Variants in TFAP2A observed in about 807,000 individuals in gnomAD.
The protein encoded by TFAP2A is transcription factor AP-2-alpha.
In TFAP2A, 7 loss-of-function variants were observed where a neutral mutation model predicts 41.5. The observed-to-expected ratio is 0.17, with a 90% CI of 0.10 to 0.32. The LOEUF is 0.32. Ranked by LOEUF, TFAP2A falls within the 10% of genes least tolerant of loss-of-function variation. TFAP2A has a pLI of 1.00. For synonymous variants in TFAP2A, 247 were observed against 242.8 expected (o/e 1.02, Z -0.16); for missense variants, 416 against 563.3 (o/e 0.74, Z 2.65).
Position 10,404,615 on chromosome 6 carries a change from C to G in TFAP2A, c.663G>C (p.Ser221=). 6.2e-7 allele frequency: 1 copy of G among 1,614,156 alleles called. No homozygotes were observed. The highest frequency in any genetic ancestry group is 1.3e-5 in the African/African-American group (1 of 75,046). The change falls in exon 4 of 7, where the codon TCG becomes TCC. Residue 221 remains serine, a synonymous_variant. Transcript: ENST00000379613. The stretch of plus-strand genomic sequence containing the variant: ...TGTACTTCGAGGTGGAGCTGAGGAG[C>G]GAGAGGCGACCCGGAACTGAACAGA... The part of the protein sequence containing the change: ...EVFCSVPGRL[S]LLSSTSKYKV...
intron 3 of TFAP2A, chr6:10,404,951 C>T (rs1447367786): frequency 3.2e-5 from 19 of 599,018 alleles, no homozygotes; most frequent in South Asian, 2.8e-4. Context: ...GGAGGCGGCC[C>T]TGCCCTCCCC....
rs1263537527 is a variant in TFAP2A at position 10,414,871 on chromosome 6, G to A, written c.51+70C>T. 3.2e-6 allele frequency: 5 copies of A among 1,583,958 alleles called. No homozygotes were observed. The African/African-American group carries it at 5.4e-5, about 17-fold the overall frequency. On this transcript the variant is annotated intron_variant, in intron 1 of 6. Coordinates refer to ENST00000379613, the MANE Select transcript of TFAP2A (RefSeq NM_001372066.1). The stretch of plus-strand genomic sequence containing the variant: ...CGTTTCGCAGCTGGTTGCAAGGAGA[G>A]GAGGAGGAGAGGGAGGGTCAAGCTC...
chr6:10,399,924 C>CTCTCTCTCTG (rs558771454), intron 6 of TFAP2A, among the ~76,000 whole-genome samples: 2 of 148,922 alleles, frequency 1.3e-5, no homozygotes, highest in African/African-American at 5.0e-5. Context: ...CTCTCTCTGT[C>CTCTCTCTCTG]TGTGTGTGTG....
chr6:10,413,148 C>G (rs974761760), intron 1 of TFAP2A, among the ~76,000 whole-genome samples: 1 of 152,226 alleles, frequency 6.6e-6, no homozygotes, highest in African/African-American at 2.4e-5. Context: ...TCCTGCGTGT[C>G]CCTACAGAGC....
rs773449140 is a variant in TFAP2A at position 10,402,625 on chromosome 6, T to C, written c.771-15A>G. 3.8e-6 allele frequency: 6 copies of C among 1,572,388 alleles called. No homozygotes were observed. The African/African-American group carries it at 4.1e-5, about 11-fold the overall frequency. On this transcript the variant is annotated splice_polypyrimidine_tract_variant and intron_variant, in intron 4 of 6. Transcript: ENST00000379613. ...TAGACTTCGCCCTGTTTCACAAATATATGCGAGAAAGGGATTTAGAAAACA... is the reference window on the plus strand; with the variant it reads ...TAGACTTCGCCCTGTTTCACAAATACATGCGAGAAAGGGATTTAGAAAACA...
chr6:10,410,246 C>T lies in TFAP2A; in HGVS notation c.141G>A (p.Leu47=), dbSNP rs149126243. The T allele has an allele frequency of 6.0e-5, 96 of 1,611,852 alleles. No individual in the cohort carries two copies. The African/African-American group carries it at 1.2e-3, about 19-fold the overall frequency. ...GGAAGTCGGCATTGGGGGTGTGGGA[C>T]AGCGGCGGGGCGCTCGTGTAGGGAG... is the stretch of plus-strand genomic sequence containing the variant. ...GQSPYTSAPP[L]SHTPNADFQP... Residue 47 remains leucine (L), a synonymous_variant, in exon 2 of 7, where the codon CTG becomes CTA. Coordinates refer to ENST00000379613, the MANE Select transcript of TFAP2A (RefSeq NM_001372066.1).
chr6:10,411,454 G>A, intron 1 of TFAP2A: 7 of 1,577,662 alleles, frequency 4.4e-6, no homozygotes, highest in Non-Finnish European at 5.2e-6. Flanking sequence ...CAAATGGAGA[G>A]GGTGTCCTGA....
At chr6:10,419,516 C>T, upstream of TFAP2A, 1 of 1,603,130 alleles carries the variant, frequency 6.2e-7, no homozygotes, top group Non-Finnish European at 8.5e-7. Flanking sequence ...GTCGGGCCAG[C>T]TCCCTGGAAT....
At chr6:10,411,782 G>A in intron 1 of TFAP2A, 1 of 1,455,600 alleles carries the variant, frequency 6.9e-7, no homozygotes, top group Non-Finnish European at 9.0e-7. Context: ...ATCCGAACTT[G>A]AACCACCGAT....
chr6:10,415,157 GGAGGAGGAA>G, upstream of TFAP2A: 2 of 1,526,870 alleles, frequency 1.3e-6, no homozygotes, highest in East Asian at 2.4e-5. Flanking sequence ...GCAAGGAGGA[GGAGGAGGAA>G]GAGGAGGGCG....
chr6:10,404,643 A>C lies in TFAP2A; in HGVS notation c.635T>G (p.Val212Gly). ...GAGGCGACCCGGAACTGAACAGAAG[A>C]CTTCGTTGGGGTTCACCACGCCGCC... is the stretch of plus-strand genomic sequence containing the variant. ...LFGGVVNPNE[V>G]FCSVPGRLSL... Residue 212 changes from valine (V) to glycine (G), a missense_variant, in exon 4 of 7, where the codon GTC becomes GGC. This residue lies in a region of TFAP2A where 241 missense variants were observed against 274.1 expected (regional missense o/e 0.88). Coordinates refer to ENST00000379613, the MANE Select transcript of TFAP2A (RefSeq NM_001372066.1). 6.2e-7 allele frequency: 1 copy of C among 1,614,072 alleles called. No homozygotes were observed. The highest frequency in any genetic ancestry group is 8.5e-7 in the Non-Finnish European group (1 of 1,180,002).
At chr6:10,404,145 G>A (rs961315329) in intron 4 of TFAP2A, among the ~76,000 whole-genome samples, 2 of 152,242 alleles carry the variant, frequency 1.3e-5, no homozygotes, top group African/African-American at 2.4e-5. Context: ...AGAGGGAAAA[G>A]GTGGCTGTAC....
chr6:10,413,607 C>G (rs2613866), intron 1 of TFAP2A, among the ~76,000 whole-genome samples: 1 of 152,222 alleles, frequency 6.6e-6, no homozygotes, highest in Non-Finnish European at 1.5e-5. Context: ...GGGGTCCCTG[C>G]GCCCCTCCTC....
At chr6:10,416,277 C>T (rs1272637828), upstream of TFAP2A, 1 of 152,178 alleles carries the variant, frequency 6.6e-6, no homozygotes, top group African/African-American at 2.4e-5. Flanking sequence ...GGCGTGCTCG[C>T]GAGGCAGAGC....
upstream of TFAP2A, chr6:10,416,413 ATTTT>A (rs539218601): frequency 7.7e-6 from 1 of 129,422 alleles, no homozygotes; most frequent in African/African-American, 3.3e-5. Flanking sequence ...CGGTTTTGGG[ATTTT>A]TTTTTAAGTA....
intron 1 of TFAP2A, chr6:10,412,356 G>T: frequency 7.6e-6 from 7 of 918,322 alleles, no homozygotes; most frequent in Non-Finnish European, 9.1e-6. Context: ...CAGAGAGGGA[G>T]AATGTGTCTG....
In TFAP2A at chr6:10,398,233, G is replaced by A. The variant is rs1761858410; in HGVS notation, c.*184C>T. ...GCAGAGTCGGAGAGGCTGCCCCACT[G>A]ACAGTCGAGAGGGCAGTCCCGGAGA... On this transcript the variant is annotated 3_prime_UTR_variant, in exon 7 of 7. Transcript: ENST00000379613. This position sits in a 1 kb window ranked among gnomAD's most constrained non-coding sequence, Gnocchi z 5.3. The A allele has an allele frequency of 1.3e-6, 2 of 1,490,136 alleles. No individual in the cohort carries two copies. Among genetic ancestry groups the A allele is most frequent in the East Asian group, 2.4e-5 (1 of 41,068 alleles). 92.3% of individuals were successfully genotyped at this position (1,490,136 alleles called of 1,614,324 possible).
chr6:10,413,611 C>T (rs1373037467), intron 1 of TFAP2A, among the ~76,000 whole-genome samples: 2 of 152,254 alleles, frequency 1.3e-5, no homozygotes, highest in African/African-American at 4.8e-5. Context: ...TCCCTGCGCC[C>T]CTCCTCTAGC....
chr6:10,408,829 G>A lies in TFAP2A; in HGVS notation c.486+1072C>T, dbSNP rs532497180. 4.6e-5 allele frequency among the ~76,000 whole-genome samples: 7 copies of A among 152,354 alleles called. No individual in the cohort carries two copies. In the East Asian group the frequency reaches 1.3e-3, roughly 29 times the overall value. On this transcript the variant is annotated intron_variant, in intron 2 of 6. Coordinates refer to ENST00000379613, the MANE Select transcript of TFAP2A (RefSeq NM_001372066.1). ...ACCAAGCAAGGAGGTAAGTTCATCT[G>A]ACCATTTTCCTTACAATCTAATGTA... is the stretch of plus-strand genomic sequence containing the variant.
Sources: allele counts gnomAD v4.1 joint callset (sites outside exome capture counted in the v4.1 genomes callset), GRCh38; gene constraint gnomAD v4.1.1; regional missense constraint gnomAD v4.1.1; non-coding constraint Gnocchi (gnomAD v3.1); transcripts MANE v1.5; gene names NCBI Gene and HGNC (gene_info 2026-07-23, HGNC 2026-07-21).